CD1E: variants seen among roughly 807,000 people sequenced by gnomAD.
CD1E encodes T-cell surface glycoprotein CD1e, membrane-associated.
In CD1E, 49 loss-of-function variants were observed where a neutral mutation model predicts 40.1. That is an observed-to-expected ratio of 1.22 (90% CI 0.97 to 1.55). The LOEUF (loss-of-function observed/expected upper bound fraction) is 1.55. CD1E is among the 40% of genes most tolerant of loss of function. CD1E has a pLI of 0.00. For synonymous variants in CD1E, 189 were observed against 178.3 expected, an observed-to-expected ratio of 1.06 and a Z score of -0.48; for missense variants, 492 against 471.3, an observed-to-expected ratio of 1.04 and a Z score of -0.41.
chr1:158,356,672 T>C (rs1653736072), intron 5 of CD1E, 56 bp from the exon 6 acceptor site: 2 of 1,564,620 alleles, frequency 1.3e-6, no homozygotes, highest in Admixed American at 1.8e-5. Flanking sequence ...TTTTTTTCTC[T>C]GCCTTTCCCC....
chr1:158,356,703 T>C (rs1653744941), intron 5 of CD1E, 25 bp from the exon 6 acceptor site: 2 of 1,609,344 alleles, frequency 1.2e-6, no homozygotes, highest in Admixed American at 3.4e-5. Flanking sequence ...TTCTTTGAGA[T>C]TAATATCCTC....
chr1:158,356,449 G>A (rs1166133167), intron 4 of CD1E, 49 bp from the exon 5 acceptor site: 1 of 1,399,696 alleles, frequency 7.1e-7, no homozygotes, highest in Non-Finnish European at 1.0e-6. Flanking sequence ...TCTCAGCTTG[G>A]TGGAATAGAG....
intron 3 of CD1E, 101 bp from the exon 4 acceptor site, chr1:158,355,726 C>T (rs2101609260): frequency 7.1e-7 from 1 of 1,411,092 alleles, no homozygotes; most frequent in Non-Finnish European, 9.5e-7. Flanking sequence ...GAAGTGATTA[C>T]TAAATCACTC....
In CD1E at chr1:158,355,813, C is replaced by T. The variant is rs1429131456; in HGVS notation, c.626-14C>T. 1.0e-5 allele frequency: 16 copies of T among 1,595,074 alleles called. No homozygotes were observed. In the Admixed American group the frequency reaches 1.8e-4, roughly 18 times the overall value. On this transcript the variant is annotated splice_polypyrimidine_tract_variant and intron_variant, in intron 3 of 5. Transcript: ENST00000368167. ...CTTCAAAATTCCATTTTTTTTCTAT[C>T]TTCTTCTTCCTAGTGAAGCCAGAGG...
intron 1 of CD1E, 97 bp from the exon 2 acceptor site, chr1:158,354,280 C>A: frequency 8.3e-7 from 1 of 1,199,838 alleles, no homozygotes; most frequent in Non-Finnish European, 1.2e-6. Context: ...GTACAAGCTA[C>A]CTAACTGTCT....
At chr1:158,356,150 C>A (rs759414621) in intron 4 of CD1E, 45 bp downstream of exon 4, 1 of 1,604,816 alleles carries the variant, frequency 6.2e-7, no homozygotes, top group Non-Finnish European at 8.5e-7. Flanking sequence ...GAAAATAGCC[C>A]TGGGGCTTTT....
In CD1E at chr1:158,357,148, G is replaced by A. The variant is rs1653809452; in HGVS notation, c.*252G>A. The A allele has an allele frequency of 2.5e-6, 1 of 405,050 alleles. No homozygotes were observed. 25.1% of individuals were successfully genotyped at this position (405,050 alleles called of 1,614,324 possible). ...GATTCCCGAGATCACCCAATTGATA[G>A]CTCTTCTGTACTCCCCAAATTGAAC... On this transcript the variant is annotated 3_prime_UTR_variant, in exon 6 of 6. Transcript: ENST00000368167.
chr1:158,355,810 T>C lies in CD1E; in HGVS notation c.626-17T>C. 1 of 1,593,004 alleles carries C rather than the reference T, an allele frequency of 6.3e-7. No individual in the cohort carries two copies. The highest frequency in any genetic ancestry group is 8.5e-7 in the Non-Finnish European group (1 of 1,169,880). On this transcript the variant is annotated splice_polypyrimidine_tract_variant and intron_variant, in intron 3 of 5. Transcript: ENST00000368167. ...GCCCTTCAAAATTCCATTTTTTTTC[T>C]ATCTTCTTCTTCCTAGTGAAGCCAG...
At chr1:158,354,322 A>G (rs1299975498) in intron 1 of CD1E, 55 bp from the exon 2 acceptor site, 2 of 1,505,370 alleles carry the variant, frequency 1.3e-6, no homozygotes, top group Non-Finnish European at 1.8e-6. Flanking sequence ...TCCCTTTGGC[A>G]TCACTTTTCC....
intron 1 of CD1E, 126 bp downstream of exon 1, chr1:158,354,172 G>A: frequency 2.1e-6 from 2 of 953,058 alleles, no homozygotes; most frequent in Non-Finnish European, 3.2e-6. Context: ...TGCCTTTCAG[G>A]CTAGTTCCAG....
chr1:158,355,618 C>G (rs1022978803), intron 3 of CD1E, 49 bp downstream of exon 3: 2 of 1,563,814 alleles, frequency 1.3e-6, no homozygotes, highest in Admixed American at 3.8e-5. Flanking sequence ...CTATAACTCT[C>G]ATATTTGAAT....
rs746564441 is a variant in CD1E, at chr1:158,355,352, C to G, written c.408C>G (p.Ile136Met). 6.2e-7 allele frequency: 1 copy of G among 1,613,910 alleles called. No individual in the cohort carries two copies. The highest frequency in any genetic ancestry group is 1.7e-5 in the Admixed American group (1 of 60,018). Residue 136 changes from isoleucine (I) to methionine (M), a missense_variant, in exon 3 of 6, where the codon ATC (isoleucine) becomes ATG (methionine). Ile to Met is a conservative substitution (Grantham distance 10). Coordinates refer to ENST00000368167, the MANE Select transcript of CD1E (RefSeq NM_030893.4). ...LAGCRMNAPQ[I>M]FLNMAYQGSD... ...GCTGTAGAATGAATGCCCCACAAAT[C>G]TTCTTAAATATGGCATATCAAGGGT...
rs1278045715 is a variant in CD1E, at chr1:158,354,041, C to T, written c.53C>T (p.Thr18Ile). ...GGTCTCTGCTGTCCTGGGGAAAATA[C>T]AGCAGGTAAGAAGAGTGCAGGTGGA... is the stretch of plus-strand genomic sequence containing the variant. ...FEGLCCPGEN[T>I]AAPQALQSYH... The change falls in exon 1 of 6, where the codon ACA becomes ATA. Residue 18 changes from threonine (T) to isoleucine (I), a missense_variant. Transcript: ENST00000368167. 6.2e-6 allele frequency: 10 copies of T among 1,613,546 alleles called. No individual in the cohort carries two copies. The African/African-American group carries it at 1.1e-4, about 17-fold the overall frequency.
Position 158,355,847 on chromosome 1 carries a change from T to C in CD1E, c.646T>C (p.Ser216Pro). ...KRKVKPEAWLSCGPSPGPGRL... is the reference protein window; with the variant it reads ...KRKVKPEAWLPCGPSPGPGRL... ...CCTAGTGAAGCCAGAGGCCTGGCTG[T>C]CCTGTGGCCCCAGTCCTGGCCCTGG... The change falls in exon 4 of 6, where the codon TCC (serine) becomes CCC (proline). Residue 216 changes from serine (S) to proline (P), a missense_variant. By Grantham distance (74) the Ser-to-Pro change is moderately conservative (BLOSUM62 -1). Transcript: ENST00000368167. 6.2e-7 allele frequency: 1 copy of C among 1,613,780 alleles called. No individual in the cohort carries two copies. The highest frequency in any genetic ancestry group is 1.7e-5 in the Admixed American group (1 of 59,994).
rs2101599665 is a variant in CD1E, at chr1:158,353,994, G to T, written c.6G>T (p.Leu2=). The change falls in exon 1 of 6, where the codon CTG becomes CTT. Residue 2 remains leucine (L), a synonymous_variant. Transcript: ENST00000368167. M[L]LLFLLFEGLC... is the part of the protein sequence containing the mutation. ...CCTCCTTTAACAGAGCTTCAATGCTGCTCCTGTTCCTCCTCTTCGAGGGTC... is the reference window on the plus strand; with the variant it reads ...CCTCCTTTAACAGAGCTTCAATGCTTCTCCTGTTCCTCCTCTTCGAGGGTC... 4 of 1,613,942 alleles carry T rather than the reference G, an allele frequency of 2.5e-6. No homozygotes were observed. Among genetic ancestry groups the T allele is most frequent in the Non-Finnish European group, 2.5e-6 (3 of 1,179,800 alleles).
chr1:158,356,012 G>A lies in CD1E; in HGVS notation c.811G>A (p.Ala271Thr). 6.2e-7 allele frequency: 1 copy of A among 1,614,166 alleles called. No homozygotes were observed. The highest frequency in any genetic ancestry group is 8.5e-7 in the Non-Finnish European group (1 of 1,180,034). ...PNADETWYLRATLDVAAGEAA... is the reference protein window; with the variant it reads ...PNADETWYLRTTLDVAAGEAA... ...TGCTGACGAGACATGGTATCTCCGA[G>A]CAACCCTGGATGTGGCGGCTGGGGA... Residue 271 changes from alanine (A) to threonine (T), a missense_variant, in exon 4 of 6, where the codon GCA (alanine) becomes ACA (threonine). Coordinates refer to ENST00000368167, the MANE Select transcript of CD1E (RefSeq NM_030893.4).
chr1:158,355,102 C>T (rs924841908), intron 2 of CD1E, among the ~76,000 whole-genome samples, 198 bp from the exon 3 acceptor site: 3 of 152,146 alleles, frequency 2.0e-5, no homozygotes, highest in African/African-American at 7.2e-5. Context: ...ACCACTTTCC[C>T]ATTAGTTATT....
chr1:158,355,735 T>G, intron 3 of CD1E, 92 bp from the exon 4 acceptor site: 1 of 1,448,998 alleles, frequency 6.9e-7, no homozygotes. Context: ...ACTAAATCAC[T>G]CTTAGTATTA....
rs1436226888 is a variant in CD1E at position 158,356,527 on chromosome 1, T to C, written c.934T>C (p.Cys312Arg). The change falls in exon 5 of 6, where the codon TGT (cysteine) becomes CGT (arginine). Residue 312 changes from cysteine (C) to arginine (R), a missense_variant. By Grantham distance (180) the Cys-to-Arg change is radical. Transcript: ENST00000368167. ...ATATTCCATCTTTCTCATCCTGATC[T>C]GTTTGACTGTGATAGTTACCCTGGT... is the stretch of plus-strand genomic sequence containing the variant. ...GGYSIFLILI[C>R]LTVIVTLVIL... 1 of 1,613,648 alleles carries C rather than the reference T, an allele frequency of 6.2e-7. No individual in the cohort carries two copies. Among genetic ancestry groups the C allele is most frequent in the Non-Finnish European group, 8.5e-7 (1 of 1,179,640 alleles).
Sources: gnomAD v4.1 joint callset for allele counts (sites outside exome capture counted in the v4.1 genomes callset) on GRCh38, gnomAD v4.1.1 for gene constraint, MANE v1.5 for transcripts, NCBI Gene and HGNC (gene_info 2026-07-23, HGNC 2026-07-21) for gene names.